RALGAPB: variants seen among roughly 807,000 people sequenced by gnomAD.
The protein encoded by RALGAPB is ral GTPase-activating protein subunit beta.
Under a neutral mutation model 161.1 loss-of-function variants are expected in RALGAPB, and 25 were observed. The observed-to-expected ratio is 0.16, with a 90% confidence interval of 0.11 to 0.22. The LOEUF is 0.22. Among genes scored for constraint, RALGAPB ranks in the 10% least tolerant of loss-of-function variants. RALGAPB has a pLI of 1.00. For missense variants in RALGAPB, 1,391 were observed against 1,815.2 expected, an observed-to-expected ratio of 0.77 and a Z score of 4.25; for synonymous variants, 629 against 626.1, an observed-to-expected ratio of 1.00 and a Z score of -0.07.
chr20:38,497,694 G>C (rs1305381929), intron 4 of RALGAPB, among the ~76,000 whole-genome samples, 178 bp downstream of exon 4: 1 of 152,128 alleles, frequency 6.6e-6, no homozygotes, highest in Admixed American at 6.5e-5. Context: ...CCCTGATGAA[G>C]TTATTTTACC....
intron 13 of RALGAPB, among the ~76,000 whole-genome samples, chr20:38,530,746 A>G (rs962864714): frequency 2.0e-5 from 3 of 151,412 alleles, no homozygotes; most frequent in Non-Finnish European, 4.4e-5. Context: ...ACAGGCGCAC[A>G]CCACCATACC....
intron 24 of RALGAPB, 105 bp downstream of exon 24, chr20:38,562,802 C>T: frequency 7.6e-7 from 1 of 1,310,892 alleles, no homozygotes. Context: ...AATACAAAAC[C>T]AGGCTGGGTA....
intron 13 of RALGAPB, 56 bp from the exon 14 acceptor site, chr20:38,531,111 C>A: frequency 7.3e-7 from 1 of 1,361,644 alleles, no homozygotes; most frequent in Non-Finnish European, 1.0e-6. Context: ...AAATGTCTTA[C>A]GCATTTTAGT....
At chr20:38,564,164 C>G (rs927015708) in intron 24 of RALGAPB, among the ~76,000 whole-genome samples, 3 of 152,184 alleles carry the variant, frequency 2.0e-5, no homozygotes, top group African/African-American at 7.2e-5. Flanking sequence ...ACCACAGCAT[C>G]TACTACATCA....
intron 1 of RALGAPB, among the ~76,000 whole-genome samples, chr20:38,486,036 C>T (rs1192869031): frequency 1.6e-5 from 2 of 127,988 alleles, no homozygotes; most frequent in South Asian, 2.5e-4. Context: ...ATGGCACCAT[C>T]TCTGCTCACT....
At position 38,521,537 on chromosome 20, in the gene RALGAPB, G is replaced by T; in HGVS notation, c.1458G>T (p.Gly486=). 1.9e-6 allele frequency: 3 copies of T among 1,614,114 alleles called. No homozygotes were observed. Among genetic ancestry groups the T allele is most frequent in the Non-Finnish European group, 2.5e-6 (3 of 1,180,006 alleles). ...TQASMEFRRK[G]SQMSTDTMVS... ...CTAGCATGGAGTTTCGACGGAAAGG[G>T]TCACAAATGTCCACAGACACCATGG... Residue 486 remains glycine (G), a synonymous_variant, in exon 10 of 30, where the codon GGG becomes GGT. Transcript: ENST00000262879.
At chr20:38,497,649 T>A (rs1364604626) in intron 4 of RALGAPB, 133 bp downstream of exon 4, 5 of 968,290 alleles carry the variant, frequency 5.2e-6, no homozygotes, top group Non-Finnish European at 7.6e-6. Flanking sequence ...TAACAGTTCT[T>A]AGAATGGAAA....
intron 27 of RALGAPB, 90 bp downstream of exon 27, chr20:38,570,086 GT>G: frequency 1.9e-6 from 2 of 1,048,790 alleles, no homozygotes; most frequent in Non-Finnish European, 2.9e-6. Context: ...CATAAGCCTG[GT>G]GTGGCCAGGA....
chr20:38,572,967 T>A (rs777108400), intron 28 of RALGAPB, among the ~76,000 whole-genome samples: 6 of 152,178 alleles, frequency 3.9e-5, no homozygotes, highest in Non-Finnish European at 5.9e-5. Context: ...TCCTTTTTTC[T>A]TTATGACACT....
Position 38,525,502 on chromosome 20 carries a change from G to A in RALGAPB, c.1886G>A (p.Gly629Asp), listed in dbSNP as rs138684330. The A allele has an allele frequency of 7.5e-6, 12 of 1,602,738 alleles. No individual in the cohort carries two copies. In the African/African-American group the frequency reaches 1.5e-4, roughly 20 times the overall value. Residue 629 changes from glycine (G) to aspartate (D), a missense_variant, in exon 12 of 30, where the codon GGC (glycine) becomes GAC (aspartate). Gly to Asp is a moderately conservative substitution (Grantham distance 94). Transcript: ENST00000262879. ...LSLLPLPHHF[G>D]TVKSEVVLEG... is the part of the protein sequence containing the mutation. ...TTGTTGCCCCTCCCTCATCATTTTG[G>A]CACAGTCAAATCTGAGGTAATGTTT...
chr20:38,541,324 G>T, intron 18 of RALGAPB, 132 bp downstream of exon 18: 1 of 924,374 alleles, frequency 1.1e-6, no homozygotes, highest in Non-Finnish European at 1.5e-6. Context: ...TTTTTCTCCA[G>T]AAATAAAATG....
At chr20:38,520,098 T>C (rs1469808470) in intron 9 of RALGAPB, 2 of 166,132 alleles carry the variant, frequency 1.2e-5, no homozygotes, top group Non-Finnish European at 2.5e-5. Context: ...TTGAACTAGC[T>C]TGTGGTATCG....
rs777981623 is a variant in RALGAPB at position 38,488,504 on chromosome 20, C to G, written c.72C>G (p.Ser24Arg). The G allele has an allele frequency of 5.0e-6, 8 of 1,614,202 alleles. No individual in the cohort carries two copies. The Admixed American group carries it at 6.7e-5, about 13-fold the overall frequency. Residue 24 changes from serine to arginine, a missense_variant, in exon 2 of 30, where the codon AGC (serine) becomes AGG (arginine). By Grantham distance (110) the Ser-to-Arg change is moderately radical (BLOSUM62 -1). This residue lies in a region of RALGAPB where 946 missense variants were observed against 1,257.2 expected (regional missense o/e 0.75). Transcript: ENST00000262879. ...AAGGCCATACCAGTGTGCTGCACAGCTATCCAGAGAGCGTTGGACGAGAGG... is the reference window on the plus strand; with the variant it reads ...AAGGCCATACCAGTGTGCTGCACAGGTATCCAGAGAGCGTTGGACGAGAGG... The part of the protein sequence containing the change: ...NDQGHTSVLH[S>R]YPESVGREVA...
rs768287022 is a variant in RALGAPB at position 38,574,192 on chromosome 20, C to T, written c.4185C>T (p.His1395=). 2 of 1,612,820 alleles carry T rather than the reference C, an allele frequency of 1.2e-6. No homozygotes were observed. Among genetic ancestry groups the T allele is most frequent in the South Asian group, 2.2e-5 (2 of 90,770 alleles). The change falls in exon 29 of 30, where the codon CAC becomes CAT. Residue 1395 remains histidine, a synonymous_variant. Coordinates refer to ENST00000262879, the MANE Select transcript of RALGAPB (RefSeq NM_020336.4). ...LEKEVPVIFI[H]PLNTGLFRIK... ...AAGAAGTTCCTGTCATCTTCATCCA[C>T]CCTTTAAACACTGGATTATTCCGGA... is the stretch of plus-strand genomic sequence containing the variant.
intron 22 of RALGAPB, among the ~76,000 whole-genome samples, chr20:38,554,292 T>TGAG (rs2087499480): frequency 6.6e-6 from 1 of 152,180 alleles, no homozygotes; most frequent in Admixed American, 6.5e-5. Context: ...GAGTTCTGTC[T>TGAG]GAGGGGACTG....
At chr20:38,573,865 T>C in intron 28 of RALGAPB, 1 of 205,190 alleles carries the variant, frequency 4.9e-6, no homozygotes, top group Non-Finnish European at 9.7e-6. Flanking sequence ...TTCCACCCAG[T>C]GTCCCTATTG....
chr20:38,525,578 C>G, intron 12 of RALGAPB, 60 bp downstream of exon 12: 2 of 1,230,032 alleles, frequency 1.6e-6, no homozygotes, highest in Non-Finnish European at 2.3e-6. Context: ...TAATTTAAGT[C>G]AAATCGAATG....
chr20:38,565,230 A>G (rs2087950226), intron 24 of RALGAPB, 129 bp from the exon 25 acceptor site: 7 of 1,051,064 alleles, frequency 6.7e-6, no homozygotes, highest in African/African-American at 1.6e-5. Flanking sequence ...TTTCATACTA[A>G]TTGGTTCTTG....
At chr20:38,531,052 A>T in intron 13 of RALGAPB, 115 bp from the exon 14 acceptor site, 1 of 855,026 alleles carries the variant, frequency 1.2e-6, no homozygotes, top group Non-Finnish European at 1.9e-6. Flanking sequence ...TGGGTATTTC[A>T]GGAATGCTCA....
Sources: allele counts gnomAD v4.1 joint callset (sites outside exome capture counted in the v4.1 genomes callset), GRCh38; gene constraint gnomAD v4.1.1; regional missense constraint gnomAD v4.1.1; transcripts MANE v1.5; gene names NCBI Gene and HGNC (gene_info 2026-07-23, HGNC 2026-07-21).